LINGO2: variants seen among roughly 807,000 people sequenced by gnomAD.
The protein encoded by LINGO2 is leucine rich repeat and Ig domain containing 2.
A neutral mutation model predicts 30.6 loss-of-function variants in LINGO2; 14 were observed. The observed-to-expected ratio is 0.46, with a 90% CI of 0.30 to 0.72. The LOEUF (loss-of-function observed/expected upper bound fraction) is 0.72. Ranked by LOEUF, LINGO2 falls within the 30% of genes least tolerant of loss-of-function variation. The pLI, the probability that LINGO2 is intolerant of heterozygous loss-of-function variation, is 0.07. For missense variants in LINGO2, 729 were observed against 751.7 expected (o/e 0.97, Z 0.35); for synonymous variants, 317 against 288.5 (o/e 1.10, Z -1.00).
At chr9:28,663,455 G>A (rs1297640580) in intron 1 of LINGO2, among the ~76,000 whole-genome samples, 3 of 152,106 alleles carry the variant, frequency 2.0e-5, no homozygotes, top group Admixed American at 6.5e-5. Context: ...ACAGGCGTGA[G>A]CCACCGCATC....
the LINGO2 span, among the ~76,000 whole-genome samples, chr9:28,792,326 C>T: frequency 6.6e-6 from 1 of 152,008 alleles, no homozygotes; most frequent in African/African-American, 2.4e-5. Flanking sequence ...TGTATTTTAA[C>T]CATAAATCCC....
intron 2 of LINGO2, among the ~76,000 whole-genome samples, chr9:28,468,815 C>G (rs570477089): frequency 6.6e-6 from 1 of 152,074 alleles, no homozygotes; most frequent in Admixed American, 6.6e-5. Context: ...GTAAGTTTTC[C>G]CCTGCACAGA....
chr9:28,904,380 A>G, the LINGO2 span, among the ~76,000 whole-genome samples: 1 of 152,104 alleles, frequency 6.6e-6, no homozygotes, highest in Non-Finnish European at 1.5e-5. Context: ...AGAGAAAGAA[A>G]TAAAAGGCAT....
At chr9:29,031,206 T>C in the LINGO2 span, among the ~76,000 whole-genome samples, 1 of 152,040 alleles carries the variant, frequency 6.6e-6, no homozygotes, top group Admixed American at 6.6e-5. Flanking sequence ...TTTTTCATGT[T>C]TGGTTCATAT....
the LINGO2 span, among the ~76,000 whole-genome samples, chr9:29,056,944 T>G: frequency 6.6e-6 from 1 of 152,306 alleles, no homozygotes; most frequent in African/African-American, 2.4e-5. Flanking sequence ...TCCGTTGGTC[T>G]ATGTGTCTAT....
chr9:28,511,397 C>T (rs1325143356), intron 1 of LINGO2, among the ~76,000 whole-genome samples: 1 of 152,136 alleles, frequency 6.6e-6, no homozygotes, highest in Non-Finnish European at 1.5e-5. Flanking sequence ...ATGGGGCACT[C>T]AGCAGTGGCC....
intron 3 of LINGO2, among the ~76,000 whole-genome samples, chr9:28,368,594 CT>C (rs60310040): frequency 0.041 from 5,006 of 123,554 alleles, 69 homozygotes; most frequent in African/African-American, 0.068. Context: ...CTTTTCTTTT[CT>C]TTTTTTTTTT....
chr9:28,771,539 T>C, the LINGO2 span, among the ~76,000 whole-genome samples: 77,528 of 148,684 alleles, frequency 0.52, 23,650 homozygotes, highest in Middle Eastern at 0.74. Flanking sequence ...GAAGGTAGTA[T>C]AAGGTTTGGA....
chr9:28,721,491 G>C, the LINGO2 span, among the ~76,000 whole-genome samples: 1 of 152,132 alleles, frequency 6.6e-6, no homozygotes, highest in African/African-American at 2.4e-5. Context: ...AAAAAAGGAT[G>C]AGTTCATGTC....
the LINGO2 span, among the ~76,000 whole-genome samples, chr9:28,731,875 T>C: frequency 6.6e-6 from 1 of 152,158 alleles, no homozygotes; most frequent in Non-Finnish European, 1.5e-5. Flanking sequence ...ATCTCTATAC[T>C]ATTTCTTATA....
At chr9:29,005,753 C>T in the LINGO2 span, among the ~76,000 whole-genome samples, 1 of 151,916 alleles carries the variant, frequency 6.6e-6, no homozygotes, top group African/African-American at 2.4e-5. Context: ...ATGAATACTG[C>T]ATTTTTGAAC....
intron 1 of LINGO2, among the ~76,000 whole-genome samples, chr9:28,500,084 C>G (rs1481843004): frequency 6.6e-6 from 1 of 152,104 alleles, no homozygotes; most frequent in African/African-American, 2.4e-5. Flanking sequence ...TGCCCTTCTC[C>G]CTGTTTTGGT....
At chr9:28,863,624 T>C in the LINGO2 span, 1 of 528,566 alleles carries the variant, frequency 1.9e-6, no homozygotes, top group Non-Finnish European at 3.9e-6. Flanking sequence ...CAGAAGCACC[T>C]GTGAAGCACT....
At chr9:28,251,165 C>T (rs73645623) in intron 4 of LINGO2, among the ~76,000 whole-genome samples, 30 of 150,930 alleles carry the variant, frequency 2.0e-4, no homozygotes, top group African/African-American at 7.2e-4. Flanking sequence ...TCTTTCTCTG[C>T]CCCCTATGAT....
intron 4 of LINGO2, among the ~76,000 whole-genome samples, chr9:28,221,084 G>T (rs1190073167): frequency 6.6e-6 from 1 of 152,062 alleles, no homozygotes; most frequent in Non-Finnish European, 1.5e-5. Flanking sequence ...TGGATCACGA[G>T]GTCAGGAGAT....
chr9:29,050,491 A>G, the LINGO2 span, among the ~76,000 whole-genome samples: 2,793 of 152,362 alleles, frequency 0.018, 26 homozygotes, highest in Non-Finnish European at 0.026. Flanking sequence ...TGAAATTTGA[A>G]AAGAATGAAC....
chr9:28,371,439 T>C (rs1820892048), intron 3 of LINGO2, among the ~76,000 whole-genome samples: 1 of 152,200 alleles, frequency 6.6e-6, no homozygotes, highest in African/African-American at 2.4e-5. Flanking sequence ...GACAGCACTT[T>C]CTGTGTCCTC....
At chr9:28,799,811 T>G in the LINGO2 span, among the ~76,000 whole-genome samples, 1 of 152,128 alleles carries the variant, frequency 6.6e-6, no homozygotes, top group African/African-American at 2.4e-5. Context: ...ATCATCATAC[T>G]CATCACTTGG....
intron 1 of LINGO2, among the ~76,000 whole-genome samples, chr9:28,501,127 G>A (rs553850476): frequency 2.1e-3 from 321 of 152,190 alleles, no homozygotes; most frequent in Non-Finnish European, 3.8e-3. Context: ...CAAGAAATAT[G>A]TCAAATTCAT....
Sources: gnomAD v4.1 joint callset for allele counts (sites outside exome capture counted in the v4.1 genomes callset) on GRCh38, gnomAD v4.1.1 for gene constraint, MANE v1.5 for transcripts, NCBI Gene and HGNC (gene_info 2026-07-23, HGNC 2026-07-21) for gene names.